The following GLT1D1 variants were observed in gnomAD, a reference collection of about 807,000 sequenced individuals.
GLT1D1 encodes the protein glycosyltransferase 1 domain containing 1.
Under a neutral mutation model 28.7 loss-of-function variants are expected in GLT1D1, and 21 were observed. The observed-to-expected ratio is 0.73, with a 90% confidence interval of 0.52 to 1.05. The LOEUF (loss-of-function observed/expected upper bound fraction) is 1.05, where lower values mean the gene tolerates loss of function less well. GLT1D1 is among the 50% of genes least tolerant of loss of function. The pLI is 0.00. For synonymous variants in GLT1D1, 147 were observed against 124.8 expected, an observed-to-expected ratio of 1.18 and a Z score of -1.19; for missense variants, 343 against 330.6, an observed-to-expected ratio of 1.04 and a Z score of -0.29.
At chr12:128,874,093 T>TC in intron 1 of GLT1D1, among the ~76,000 whole-genome samples, 3 of 24,668 alleles carry the variant, frequency 1.2e-4, no homozygotes, top group Non-Finnish European at 2.2e-4. Flanking sequence ...TCTTTCTTTC[T>TC]TTCTTTCTCT....
intron 4 of GLT1D1, among the ~76,000 whole-genome samples, chr12:128,943,110 G>C (rs1231103453): frequency 6.6e-6 from 1 of 152,156 alleles, no homozygotes; most frequent in Non-Finnish European, 1.5e-5. Flanking sequence ...TTTAAAATAA[G>C]GTGGCAGTGA....
At chr12:128,905,828 GT>G (rs34356463) in intron 4 of GLT1D1, among the ~76,000 whole-genome samples, 18,440 of 146,826 alleles carry the variant, frequency 0.13, 1,230 homozygotes, top group East Asian at 0.25. Context: ...TCTTTTAAGT[GT>G]TTTTTTTTTT....
At chr12:128,953,643 A>T (rs1876950781) in intron 6 of GLT1D1, among the ~76,000 whole-genome samples, 1 of 152,090 alleles carries the variant, frequency 6.6e-6, no homozygotes, top group Non-Finnish European at 1.5e-5. Flanking sequence ...TATGTCTGTG[A>T]TCCATTTTGA....
intron 4 of GLT1D1, among the ~76,000 whole-genome samples, chr12:128,934,771 G>C (rs539179837): frequency 6.6e-6 from 1 of 152,314 alleles, no homozygotes; most frequent in South Asian, 2.1e-4. Flanking sequence ...CAGAGGCCAG[G>C]ATGTCGCGTC....
At chr12:128,914,485 G>A (rs759360392) in intron 4 of GLT1D1, among the ~76,000 whole-genome samples, 17 of 152,052 alleles carry the variant, frequency 1.1e-4, no homozygotes, top group Non-Finnish European at 1.9e-4. Flanking sequence ...TCAGAGCATC[G>A]AGCGGCTTTA....
At chr12:128,929,424 T>C (rs1314453531) in intron 4 of GLT1D1, among the ~76,000 whole-genome samples, 1 of 152,184 alleles carries the variant, frequency 6.6e-6, no homozygotes, top group African/African-American at 2.4e-5. Flanking sequence ...CAGTGATGAC[T>C]CCGTTTCTTC....
chr12:128,960,041 C>A (rs1877773537), intron 7 of GLT1D1, among the ~76,000 whole-genome samples: 1 of 152,166 alleles, frequency 6.6e-6, no homozygotes, highest in Non-Finnish European at 1.5e-5. Flanking sequence ...GTCTGCAAAT[C>A]ATTATCGTGC....
intron 7 of GLT1D1, 124 bp downstream of exon 11, chr12:128,957,767 C>CA (rs1877452385): frequency 3.1e-6 from 2 of 645,738 alleles, no homozygotes; most frequent in Non-Finnish European, 5.5e-6. Context: ...CTGCGGAGAG[C>CA]ATGCTGTCTT....
At chr12:128,882,070 G>C (rs1957073361) in intron 2 of GLT1D1, among the ~76,000 whole-genome samples, 1 of 152,024 alleles carries the variant, frequency 6.6e-6, no homozygotes, top group African/African-American at 2.4e-5. Context: ...GTTATAACTA[G>C]TCACATTTAT....
At chr12:128,863,433 C>T (rs1479112652) in intron 1 of GLT1D1, among the ~76,000 whole-genome samples, 2 of 151,960 alleles carry the variant, frequency 1.3e-5, no homozygotes, top group South Asian at 2.1e-4. Context: ...AGTGCAGTGG[C>T]GTGATCTCGG....
chr12:128,905,577 T>C (rs1482494978), intron 4 of GLT1D1, among the ~76,000 whole-genome samples: 1 of 152,240 alleles, frequency 6.6e-6, no homozygotes, highest in East Asian at 1.9e-4. Context: ...TTGATTGGAT[T>C]TCAGTAAAGA....
At chr12:128,908,828 A>G (rs1593116961) in intron 4 of GLT1D1, among the ~76,000 whole-genome samples, 1 of 152,286 alleles carries the variant, frequency 6.6e-6, no homozygotes, top group African/African-American at 2.4e-5. Flanking sequence ...GGGCGCCTGT[A>G]GTCCCAGCTA....
chr12:128,896,604 A>T, intron 3 of GLT1D1, among the ~76,000 whole-genome samples: 1 of 133,252 alleles, frequency 7.5e-6, no homozygotes. Context: ...TTTTTGAGAC[A>T]GAGTCTTGCT....
intron 4 of GLT1D1, among the ~76,000 whole-genome samples, chr12:128,932,498 G>A (rs1406413470): frequency 1.3e-5 from 2 of 152,148 alleles, no homozygotes; most frequent in African/African-American, 2.4e-5. Flanking sequence ...TTTTAAATTC[G>A]TCGCCATCAA....
At chr12:128,902,589 C>T (rs1476197067) in intron 4 of GLT1D1, among the ~76,000 whole-genome samples, 1 of 151,546 alleles carries the variant, frequency 6.6e-6, no homozygotes, top group African/African-American at 2.4e-5. Flanking sequence ...AGAACAATGC[C>T]TACAGTGATC....
At chr12:128,874,225 A>G (rs1248204729) in intron 1 of GLT1D1, among the ~76,000 whole-genome samples, 2 of 140,606 alleles carry the variant, frequency 1.4e-5, no homozygotes, top group African/African-American at 5.5e-5. Flanking sequence ...TCTGTTGCCC[A>G]GGCTGGAGTG....
chr12:128,871,635 T>G (rs1956691529), intron 1 of GLT1D1, among the ~76,000 whole-genome samples: 1 of 152,212 alleles, frequency 6.6e-6, no homozygotes, highest in Non-Finnish European at 1.5e-5. Context: ...ACCTCATGTT[T>G]CTCTGTGGCT....
At chr12:128,879,378 TTTTCTTTCTTTCTTTCTTTC>T (rs572806857) in intron 2 of GLT1D1, among the ~76,000 whole-genome samples, 1,236 of 69,958 alleles carry the variant, frequency 0.018, 36 homozygotes, top group Non-Finnish European at 0.023. Context: ...ATTTTTTTCT[TTTTCTTTCTTTCTTTCTTTC>T]TTTCTTTCTT....
At chr12:128,884,682 G>T (rs1299558877) in intron 2 of GLT1D1, among the ~76,000 whole-genome samples, 2 of 151,926 alleles carry the variant, frequency 1.3e-5, no homozygotes, top group African/African-American at 4.8e-5. Context: ...GGGCATGGTG[G>T]CACTGCCTGT....
Sources: gnomAD v4.1 joint callset for allele counts (sites outside exome capture counted in the v4.1 genomes callset) on GRCh38, gnomAD v4.1.1 for gene constraint, MANE v1.5 for transcripts, NCBI Gene and HGNC (gene_info 2026-07-23, HGNC 2026-07-21) for gene names.